Variants in CACNA1D observed in about 807,000 individuals in gnomAD.
CACNA1D encodes the protein calcium voltage-gated channel subunit alpha1 D.
CACNA1D carries 55 observed loss-of-function variants against 257.1 expected under a neutral mutation model. That is an observed-to-expected ratio of 0.21 (90% CI 0.17 to 0.27). The LOEUF is 0.27. CACNA1D is among the 10% of genes least tolerant of loss of function. The pLI is 1.00. For missense variants in CACNA1D, 1,876 were observed against 2,784.0 expected (o/e 0.67, Z 7.34); for synonymous variants, 980 against 1,014.9 (o/e 0.97, Z 0.65).
intron 3 of CACNA1D, among the ~76,000 whole-genome samples, chr3:53,599,864 G>A (rs1039228016): frequency 6.6e-6 from 1 of 152,194 alleles, no homozygotes; most frequent in Non-Finnish European, 1.5e-5. Flanking sequence ...TGTAACCAGG[G>A]TTGAGGTGTC....
At chr3:53,638,664 A>G (rs2093914008) in intron 3 of CACNA1D, among the ~76,000 whole-genome samples, 1 of 152,130 alleles carries the variant, frequency 6.6e-6, no homozygotes, top group Admixed American at 6.5e-5. Flanking sequence ...TGCAGTGAGG[A>G]GGGGTAAAGT....
intron 21 of CACNA1D, among the ~76,000 whole-genome samples, chr3:53,740,861 C>T (rs1157284704): frequency 1.3e-5 from 2 of 152,160 alleles, no homozygotes; most frequent in Non-Finnish European, 2.9e-5. Flanking sequence ...AAGAGGATGT[C>T]TCTCTTTTTG....
intron 2 of CACNA1D, 124 bp downstream of exon 2, chr3:53,497,585 A>G (rs1335527601): frequency 2.2e-5 from 22 of 994,500 alleles, no homozygotes; most frequent in Non-Finnish European, 3.2e-5. Context: ...GAAGTTGTAT[A>G]TAAGGGGTTT....
chr3:53,505,571 C>T (rs573821170), intron 3 of CACNA1D, among the ~76,000 whole-genome samples: 2 of 152,290 alleles, frequency 1.3e-5, no homozygotes, highest in East Asian at 1.9e-4. Context: ...CCAGGAGAAG[C>T]GCCACCATCA....
At chr3:53,636,259 T>G (rs9883910) in intron 3 of CACNA1D, among the ~76,000 whole-genome samples, 1 of 151,870 alleles carries the variant, frequency 6.6e-6, no homozygotes, top group Non-Finnish European at 1.5e-5. Context: ...ATTGTAACTC[T>G]CAAGCACACA....
At chr3:53,754,265 C>T (rs889193054) in intron 29 of CACNA1D, among the ~76,000 whole-genome samples, 9 of 152,180 alleles carry the variant, frequency 5.9e-5, no homozygotes, top group African/African-American at 1.9e-4. Flanking sequence ...CTGTGCTCGA[C>T]GACTCAGCGT....
chr3:53,743,941 G>A (rs1384011734), intron 22 of CACNA1D, among the ~76,000 whole-genome samples: 2 of 152,146 alleles, frequency 1.3e-5, no homozygotes, highest in Non-Finnish European at 2.9e-5. Context: ...AGGGAACCCT[G>A]TGATCATAGC....
chr3:53,524,226 A>G (rs1340805448), intron 3 of CACNA1D, among the ~76,000 whole-genome samples: 2 of 152,216 alleles, frequency 1.3e-5, no homozygotes, highest in African/African-American at 4.8e-5. Context: ...TTTTTCCTGA[A>G]TTGGGCAGTG....
At chr3:53,755,935 G>T (rs1192093947) in intron 29 of CACNA1D, among the ~76,000 whole-genome samples, 1 of 152,164 alleles carries the variant, frequency 6.6e-6, no homozygotes, top group African/African-American at 2.4e-5. Context: ...GGTTGTCAAG[G>T]CTGCAGAAGG....
At chr3:53,539,574 C>T (rs2092239876) in intron 3 of CACNA1D, among the ~76,000 whole-genome samples, 1 of 152,200 alleles carries the variant, frequency 6.6e-6, no homozygotes, top group African/African-American at 2.4e-5. Context: ...AGAATTGCTG[C>T]TAACCTTGTA....
rs2092800222 is a variant in CACNA1D, at chr3:53,564,572, G to T, written c.483+62852G>T. On this transcript the variant is annotated intron_variant, in intron 3 of 47. Transcript: ENST00000350061. ...CTTTTGATCTCTTTTTGGTGTCTTT[G>T]GATAAACAGAAGTTCTTAATTTTAA... Among the ~76,000 whole-genome samples the T allele has an allele frequency of 2.0e-5, 3 of 151,766 alleles. No individual in the cohort carries two copies. In the South Asian group the frequency reaches 6.3e-4, roughly 32 times the overall value.
At position 53,499,634 on chromosome 3, in the gene CACNA1D, G is replaced by GA. The variant is rs200674893; in HGVS notation, c.378-1972dup. On this transcript the variant is annotated intron_variant, in intron 2 of 47. Coordinates refer to ENST00000350061, the MANE Select transcript of CACNA1D (RefSeq NM_001128840.3). ...GAGACCAAAACTGGACCAACATAAAGAAAAAAAAATACAACTTATATTTAG... is the reference window on the plus strand; with the variant it reads ...GAGACCAAAACTGGACCAACATAAAGAAAAAAAAAATACAACTTATATTTAG... Among the ~76,000 whole-genome samples, 1,121 of 150,770 alleles carry GA rather than the reference G, an allele frequency of 7.4e-3. 13 individuals are homozygous for GA. Among genetic ancestry groups the GA allele is most frequent in the African/African-American group, 0.026 (1,070 of 41,164 alleles).
intron 6 of CACNA1D, among the ~76,000 whole-genome samples, chr3:53,666,105 T>C (rs2094259613): frequency 6.6e-6 from 1 of 152,156 alleles, no homozygotes; most frequent in Non-Finnish European, 1.5e-5. Context: ...CTAAGGAGGA[T>C]GCTGTAAGCG....
At chr3:53,594,957 C>T (rs1229358437) in intron 3 of CACNA1D, among the ~76,000 whole-genome samples, 2 of 152,142 alleles carry the variant, frequency 1.3e-5, no homozygotes, top group Non-Finnish European at 2.9e-5. Flanking sequence ...ATCTTGAATT[C>T]GTCTATTGAT....
intron 3 of CACNA1D, among the ~76,000 whole-genome samples, chr3:53,620,786 A>T (rs1363772299): frequency 2.0e-5 from 3 of 152,236 alleles, no homozygotes; most frequent in Admixed American, 2.0e-4. Context: ...GGATTTGCAT[A>T]ACAGAAAGGA....
intron 4 of CACNA1D, among the ~76,000 whole-genome samples, chr3:53,656,152 A>G (rs921186436): frequency 6.6e-6 from 1 of 152,080 alleles, no homozygotes; most frequent in Admixed American, 6.6e-5. Flanking sequence ...CTGTTTTTGT[A>G]TGAGCACCAT....
intron 9 of CACNA1D, among the ~76,000 whole-genome samples, chr3:53,708,278 A>G (rs2108623425): frequency 6.6e-6 from 1 of 152,400 alleles, no homozygotes; most frequent in African/African-American, 2.4e-5. Flanking sequence ...ACCTCAAGGC[A>G]CAAGTTCAAA....
At chr3:53,505,971 A>G (rs2090828350) in intron 3 of CACNA1D, among the ~76,000 whole-genome samples, 1 of 152,166 alleles carries the variant, frequency 6.6e-6, no homozygotes, top group Admixed American at 6.5e-5. Context: ...GGGCTTAAAA[A>G]TCAAGTCCGT....
At chr3:53,805,339 A>G in intron 45 of CACNA1D, 193 bp downstream of exon 45, 1 of 615,190 alleles carries the variant, frequency 1.6e-6, no homozygotes, top group East Asian at 2.8e-5. Flanking sequence ...ATAGAGCTCT[A>G]GCCTCTTCAG....
Sources: allele counts gnomAD v4.1 joint callset (sites outside exome capture counted in the v4.1 genomes callset), GRCh38; gene constraint gnomAD v4.1.1; transcripts MANE v1.5; gene names NCBI Gene and HGNC (gene_info 2026-07-23, HGNC 2026-07-21).